ABI3BP: variants seen among roughly 807,000 people sequenced by gnomAD.
ABI3BP encodes the protein ABI family member 3 binding protein, also known as target of Nesh-SH3.
ABI3BP carries 216 observed loss-of-function variants against 268.6 expected under a neutral mutation model. That is an observed-to-expected ratio of 0.80 (90% CI 0.72 to 0.90). The LOEUF (loss-of-function observed/expected upper bound fraction) is 0.90, where lower values mean the gene tolerates loss of function less well. Among genes scored for constraint, ABI3BP ranks in the 40% least tolerant of loss-of-function variants. The pLI is 0.00. For missense variants in ABI3BP, 2,090 were observed against 2,182.4 expected, an observed-to-expected ratio of 0.96 and a Z score of 0.84; for synonymous variants, 730 against 730.0, an observed-to-expected ratio of 1.00 and a Z score of 0.00.
chr3:100,975,306 A>G (rs2085595303), intron 1 of ABI3BP, among the ~76,000 whole-genome samples: 1 of 152,172 alleles, frequency 6.6e-6, no homozygotes, highest in South Asian at 2.1e-4. Context: ...AGATAACAAA[A>G]TTGAACCTCA....
chr3:100,792,604 G>A (rs1351328892), intron 55 of ABI3BP, 87 bp downstream of exon 55: 2 of 1,370,708 alleles, frequency 1.5e-6, no homozygotes, highest in Admixed American at 1.9e-5. Flanking sequence ...CCACTGTGTT[G>A]AGAAATGACA....
chr3:100,945,756 T>C (rs1232000304), intron 1 of ABI3BP: 1 of 377,104 alleles, frequency 2.7e-6, no homozygotes, highest in African/African-American at 2.1e-5. Flanking sequence ...GTTTCCAGTT[T>C]TAGCTATGAA....
chr3:100,954,090 C>A (rs16843057), intron 1 of ABI3BP, among the ~76,000 whole-genome samples: 2,373 of 152,124 alleles, frequency 0.016, 50 homozygotes, highest in Admixed American at 0.054. Context: ...ATTTCTGGTG[C>A]GCATCAGAAC....
At chr3:100,899,525 T>C (rs2049210749) in intron 3 of ABI3BP, among the ~76,000 whole-genome samples, 1 of 152,214 alleles carries the variant, frequency 6.6e-6, no homozygotes, top group Non-Finnish European at 1.5e-5. Flanking sequence ...GAAGCACAGT[T>C]GTTCTGATGG....
At chr3:100,829,151 A>AAAGAAGAAG (rs894217094) in intron 33 of ABI3BP, among the ~76,000 whole-genome samples, 1 of 151,564 alleles carries the variant, frequency 6.6e-6, no homozygotes, top group Non-Finnish European at 1.5e-5. Flanking sequence ...AAAAAAAAAA[A>AAAGAAGAAG]AAGAAGAAGA....
intron 59 of ABI3BP, 28 bp from the exon 60 acceptor site, chr3:100,775,363 C>G: frequency 6.3e-7 from 1 of 1,582,932 alleles, no homozygotes; most frequent in Non-Finnish European, 8.6e-7. Context: ...AGTAGTCAGG[C>G]TTTATAGGAA....
intron 1 of ABI3BP, among the ~76,000 whole-genome samples, chr3:100,949,827 T>C (rs1187789304): frequency 6.6e-6 from 1 of 152,176 alleles, no homozygotes; most frequent in East Asian, 1.9e-4. Flanking sequence ...GACTGTATAG[T>C]GGAACATAAT....
chr3:100,917,604 C>G (rs2059006618), intron 2 of ABI3BP, among the ~76,000 whole-genome samples: 1 of 152,010 alleles, frequency 6.6e-6, no homozygotes, highest in Non-Finnish European at 1.5e-5. Context: ...TGGCCCATGA[C>G]AAAAAGGGCC....
intron 62 of ABI3BP, among the ~76,000 whole-genome samples, chr3:100,768,751 A>C (rs1475484545): frequency 6.6e-6 from 1 of 152,232 alleles, no homozygotes. Flanking sequence ...GTCTAATTTT[A>C]TACACAAGTT....
At chr3:100,876,865 G>A (rs2099166388) in intron 6 of ABI3BP, among the ~76,000 whole-genome samples, 1 of 151,908 alleles carries the variant, frequency 6.6e-6, no homozygotes, top group Non-Finnish European at 1.5e-5. Flanking sequence ...GTGGGCGCCT[G>A]TAATCTCAGC....
At chr3:100,959,022 C>T (rs981367641) in intron 1 of ABI3BP, among the ~76,000 whole-genome samples, 2 of 152,160 alleles carry the variant, frequency 1.3e-5, no homozygotes, top group African/African-American at 4.8e-5. Flanking sequence ...GAAGAACAAC[C>T]ATCTTGTTGC....
intron 2 of ABI3BP, among the ~76,000 whole-genome samples, chr3:100,925,953 GTAGTTGTACTA>G (rs66935441): frequency 0.1 from 15,645 of 151,812 alleles, 1,079 homozygotes; most frequent in Non-Finnish European, 0.15. Flanking sequence ...TCAAAATGCT[GTAGTTGTACTA>G]TCAAAAGATA....
At chr3:100,866,330 T>C (rs1561011735) in intron 10 of ABI3BP, among the ~76,000 whole-genome samples, 1 of 152,220 alleles carries the variant, frequency 6.6e-6, no homozygotes, top group East Asian at 1.9e-4. Flanking sequence ...GCTGAATGTT[T>C]GTTAGTAATG....
chr3:100,885,466 A>G (rs2041541916), intron 6 of ABI3BP, 70 bp downstream of exon 6: 1 of 864,242 alleles, frequency 1.2e-6, no homozygotes, highest in African/African-American at 1.7e-5. Context: ...GTATCTTATA[A>G]TAAGACTATT....
At chr3:100,897,174 A>G (rs1190506245) in intron 4 of ABI3BP, among the ~76,000 whole-genome samples, 1 of 152,216 alleles carries the variant, frequency 6.6e-6, no homozygotes, top group Non-Finnish European at 1.5e-5. Context: ...TAGAATGGCT[A>G]AAATGAAAGA....
chr3:100,787,471 T>C (rs557851417), intron 57 of ABI3BP, among the ~76,000 whole-genome samples: 1 of 152,250 alleles, frequency 6.6e-6, no homozygotes, highest in East Asian at 1.9e-4. Flanking sequence ...TTATTCTTAA[T>C]CAGGATCGTT....
chr3:100,828,188 A>G (rs2098422888), intron 34 of ABI3BP, among the ~76,000 whole-genome samples: 1 of 152,230 alleles, frequency 6.6e-6, no homozygotes, highest in South Asian at 2.1e-4. Context: ...CAAAAACAAA[A>G]TGATATGATA....
intron 65 of ABI3BP, among the ~76,000 whole-genome samples, chr3:100,753,386 AG>A (rs1204859628): frequency 6.6e-6 from 1 of 152,026 alleles, no homozygotes; most frequent in Non-Finnish European, 1.5e-5. Flanking sequence ...CCTGGGCTCA[AG>A]TGAACATCCC....
At chr3:100,945,636 C>G in intron 1 of ABI3BP, 1 of 450,864 alleles carries the variant, frequency 2.2e-6, no homozygotes, top group East Asian at 7.1e-5. Flanking sequence ...TTATGAGACT[C>G]ATCCATCCAT....
Sources: gnomAD v4.1 joint callset for allele counts (sites outside exome capture counted in the v4.1 genomes callset) on GRCh38, gnomAD v4.1.1 for gene constraint, MANE v1.5 for transcripts, NCBI Gene and HGNC (gene_info 2026-07-23, HGNC 2026-07-21) for gene names.